Variants in KLHL4 observed in about 807,000 individuals in gnomAD.
KLHL4 encodes the protein kelch like family member 4, also known as kelch-like protein 4.
Under a neutral mutation model 45.8 loss-of-function variants are expected in KLHL4, and 17 were observed. That is an observed-to-expected ratio of 0.37 (90% CI 0.25 to 0.56). The LOEUF is 0.56. Among genes scored for constraint, KLHL4 ranks in the 20% least tolerant of loss-of-function variants. The pLI, the probability that KLHL4 is intolerant of heterozygous loss-of-function variation, is 0.79. For missense variants in KLHL4, 544 were observed against 544.9 expected (o/e 1.00, Z 0.02); for synonymous variants, 224 against 189.9 (o/e 1.18, Z -1.47).
chrX:87,622,402 A>G lies in KLHL4; in HGVS notation c.1116A>G (p.Arg372=), dbSNP rs1922781225. 8.3e-7 allele frequency: 1 copy of G among 1,199,381 alleles called. No individual in the cohort carries two copies. The highest frequency in any genetic ancestry group is 1.1e-6 in the Non-Finnish European group (1 of 886,181). ...GELGMLLSYI[R]LPLLPPQLLA... The stretch of plus-strand genomic sequence containing the variant: ...TGGGGATGCTGCTTTCTTACATCAG[A>G]CTGCCATTACTCCCACCACAGGTAT... The change falls in exon 5 of 11, where the codon AGA becomes AGG. Residue 372 remains arginine (R), a synonymous_variant. Coordinates refer to ENST00000373119, the MANE Select transcript of KLHL4 (RefSeq NM_019117.5).
chrX:87,562,866 C>G (rs1932130132), intron 1 of KLHL4, among the ~76,000 whole-genome samples: 1 of 111,481 alleles, frequency 9.0e-6, no homozygotes, highest in South Asian at 3.8e-4. Context: ...GTGGTGAATG[C>G]CATGGGAGTG....
chrX:87,600,758 A>G (rs768214904), intron 1 of KLHL4, among the ~76,000 whole-genome samples: 2 of 112,378 alleles, frequency 1.8e-5, no homozygotes, highest in Non-Finnish European at 3.7e-5. Flanking sequence ...TAAAAAATAT[A>G]AATTAAATCA....
At chrX:87,646,952 A>G (rs1284493497) in intron 9 of KLHL4, among the ~76,000 whole-genome samples, 2 of 111,274 alleles carry the variant, frequency 1.8e-5, no homozygotes, top group African/African-American at 6.5e-5. Flanking sequence ...GCAGAGTAAA[A>G]AGATATCCTA....
rs951518865 is a variant in KLHL4 at position 87,667,333 on chromosome X, C to T, written c.*799C>T. The T allele has an allele frequency of 1.4e-6, 1 of 696,375 alleles. No individual in the cohort carries two copies. Among genetic ancestry groups the T allele is most frequent in the South Asian group, 7.5e-5 (1 of 13,400 alleles). The allele number at this position is 696,375 out of a possible 1,213,427, so 57.4% of individuals were successfully genotyped here. ...TCAGCTTCAGAGTGTCAGGGCCTCA[C>T]TTGTATAGAATGTAATGTTCTCCTC... On this transcript the variant is annotated 3_prime_UTR_variant, in exon 11 of 11. Transcript: ENST00000373119.
chrX:87,663,054 C>A (rs1208555199), intron 9 of KLHL4, among the ~76,000 whole-genome samples: 4 of 104,287 alleles, frequency 3.8e-5, no homozygotes, highest in Non-Finnish European at 7.7e-5. Context: ...ACACTTTTGG[C>A]ATACCCAATT....
chrX:87,619,030 G>A (rs748052677), intron 4 of KLHL4, among the ~76,000 whole-genome samples: 1 of 111,506 alleles, frequency 9.0e-6, no homozygotes, highest in African/African-American at 3.3e-5. Context: ...TACAATAGAT[G>A]CCAATACTTC....
At chrX:87,630,471 C>T (rs925414043) in intron 6 of KLHL4, among the ~76,000 whole-genome samples, 23 of 110,020 alleles carry the variant, frequency 2.1e-4, no homozygotes, top group Admixed American at 2.0e-3. Context: ...TGTGCTGCAC[C>T]CATTAACTAT....
At chrX:87,624,234 T>C (rs778012379) in intron 5 of KLHL4, among the ~76,000 whole-genome samples, 55 of 112,403 alleles carry the variant, frequency 4.9e-4, no homozygotes, top group Non-Finnish European at 9.2e-4. Flanking sequence ...CCTCTGAGTA[T>C]GCCTTAGACC....
intron 1 of KLHL4, among the ~76,000 whole-genome samples, chrX:87,519,225 A>G (rs1340488000): frequency 8.9e-6 from 1 of 111,948 alleles, no homozygotes; most frequent in Non-Finnish European, 1.9e-5. Flanking sequence ...ATTAATATTC[A>G]GTAGTACTAT....
At chrX:87,651,721 G>A (rs939263085) in intron 9 of KLHL4, among the ~76,000 whole-genome samples, 1 of 112,217 alleles carries the variant, frequency 8.9e-6, no homozygotes, top group Non-Finnish European at 1.9e-5. Context: ...GAAGGGTACA[G>A]CCTCCCTCCC....
chrX:87,610,866 G>A (rs1455057214), intron 1 of KLHL4, among the ~76,000 whole-genome samples: 1 of 111,059 alleles, frequency 9.0e-6, no homozygotes, highest in Non-Finnish European at 1.9e-5. Flanking sequence ...TTGATACCAG[G>A]AGTTCGAGAC....
chrX:87,622,776 G>A (rs1415872451), intron 5 of KLHL4, among the ~76,000 whole-genome samples: 1 of 110,527 alleles, frequency 9.0e-6, no homozygotes, highest in African/African-American at 3.3e-5. Context: ...TAGCCTTCCA[G>A]AGGAGAGTCT....
At chrX:87,596,776 T>C (rs760458753) in intron 1 of KLHL4, among the ~76,000 whole-genome samples, 86 of 112,212 alleles carry the variant, frequency 7.7e-4, no homozygotes, top group African/African-American at 2.3e-3. Flanking sequence ...CTAGTATATA[T>C]GTAAGAAAAT....
rs777740041 is a variant in KLHL4, at chrX:87,629,263, T to A, written c.1325-2947T>A. On this transcript the variant is annotated intron_variant, in intron 6 of 10. Coordinates refer to ENST00000373119, the MANE Select transcript of KLHL4 (RefSeq NM_019117.5). ...GCAGAGAGTTATTCATACAGAAAAA[T>A]TTTAAAGGAAAAGATGGTAAAAAAA... Among the ~76,000 whole-genome samples the A allele has an allele frequency of 3.6e-5, 4 of 110,825 alleles. No individual in the cohort carries two copies. The South Asian group carries it at 1.5e-3, about 42-fold the overall frequency.
At chrX:87,533,302 C>G (rs1170584636) in intron 1 of KLHL4, among the ~76,000 whole-genome samples, 1 of 99,683 alleles carries the variant, frequency 1.0e-5, no homozygotes, top group Non-Finnish European at 2.0e-5. Context: ...TTGGAACCAA[C>G]CCAAATGTCC....
chrX:87,618,108 G>A lies in KLHL4; in HGVS notation c.904G>A (p.Val302Met), dbSNP rs749832015. Residue 302 changes from valine to methionine, a missense_variant, in exon 4 of 11, where the codon GTG (valine) becomes ATG (methionine). Physicochemically the swap from Val to Met is conservative, Grantham distance 21. Coordinates refer to ENST00000373119, the MANE Select transcript of KLHL4 (RefSeq NM_019117.5). Reference sequence around the variant, plus strand: ...CCAAGGCTGTACAGAACTTCTGAACGTGGCACACAAATACACTATGGTAAA... The same window carrying A: ...CCAAGGCTGTACAGAACTTCTGAACATGGCACACAAATACACTATGGTAAA... ...DAQGCTELLN[V>M]AHKYTMEHFI... 17 of 1,198,627 alleles carry A rather than the reference G, an allele frequency of 1.4e-5. No individual in the cohort carries two copies. The highest frequency in any genetic ancestry group is 1.8e-5 in the Non-Finnish European group (16 of 888,479).
chrX:87,657,299 C>T (rs1225310673), intron 9 of KLHL4, among the ~76,000 whole-genome samples: 1 of 112,208 alleles, frequency 8.9e-6, no homozygotes, highest in Admixed American at 9.4e-5. Context: ...GGGCTTTATC[C>T]TCAGCACCAT....
chrX:87,596,553 A>T (rs916234839), intron 1 of KLHL4, among the ~76,000 whole-genome samples: 4 of 112,032 alleles, frequency 3.6e-5, no homozygotes, highest in Non-Finnish European at 5.6e-5. Context: ...AAGACTGGAT[A>T]ATCTTCAGTA....
rs761318488 is a variant in KLHL4 at position 87,545,819 on chromosome X, G to T, written c.422+27504G>T. On this transcript the variant is annotated intron_variant, in intron 1 of 10. Coordinates refer to ENST00000373119, the MANE Select transcript of KLHL4 (RefSeq NM_019117.5). ...AAATGCTGATAGTAATGTGAGCAAT[G>T]AAGTCCAGGCTGAGGTGGTCTCAGA... Among the ~76,000 whole-genome samples the T allele has an allele frequency of 2.7e-5, 3 of 111,519 alleles. No individual in the cohort carries two copies. In the East Asian group the frequency reaches 8.6e-4, roughly 32 times the overall value.
Sources: gnomAD v4.1 joint callset for allele counts (sites outside exome capture counted in the v4.1 genomes callset) on GRCh38, gnomAD v4.1.1 for gene constraint, MANE v1.5 for transcripts, NCBI Gene and HGNC (gene_info 2026-07-23, HGNC 2026-07-21) for gene names.